Variants in NDUFAF6 observed in about 807,000 individuals in gnomAD.
The protein encoded by NDUFAF6 is NADH dehydrogenase (ubiquinone) complex I, assembly factor 6.
A neutral mutation model predicts 40.8 loss-of-function variants in NDUFAF6; 45 were observed. The ratio of observed to expected loss-of-function variants is 1.10; its 90% CI spans 0.87 to 1.42. The LOEUF (loss-of-function observed/expected upper bound fraction) is 1.42, where lower values mean the gene tolerates loss of function less well. NDUFAF6 is among the 40% of genes most tolerant of loss of function. The pLI is 0.00. For missense variants in NDUFAF6, 435 were observed against 418.5 expected, an observed-to-expected ratio of 1.04 and a Z score of -0.34; for synonymous variants, 185 against 155.9, an observed-to-expected ratio of 1.19 and a Z score of -1.39.
Position 95,052,175 on chromosome 8 carries a change from CT to C in NDUFAF6, c.819del (p.Arg274GlyfsTer9). 6.2e-7 allele frequency: 1 copy of C among 1,614,068 alleles called. No homozygotes were observed. The highest frequency in any genetic ancestry group is 1.6e-4 in the Middle Eastern group (1 of 6,062). ...GCTTCCTCTCCTCTTCCTTTTTAGGCTAGGTCCTTTCACAAAACTGTTCCTG... is the reference window on the plus strand; with the variant it reads ...GCTTCCTCTCCTCTTCCTTTTTAGGCAGGTCCTTTCACAAAACTGTTCCTG... ...ASQAHLHLKH[A>X]RSFHKTVPVK... On this transcript the variant is annotated frameshift_variant and splice_region_variant, in exon 8 of 9. Coordinates refer to ENST00000396124, the MANE Select transcript of NDUFAF6 (RefSeq NM_152416.4). LOFTEE classifies it high-confidence loss of function.
At chr8:95,096,312 C>T (rs1315069656), upstream of NDUFAF6, among the ~76,000 whole-genome samples, 1 of 152,132 alleles carries the variant, frequency 6.6e-6, no homozygotes, top group Non-Finnish European at 1.5e-5. Flanking sequence ...AAAGTATTGG[C>T]CTTTTGGGGA....
intron 8 of NDUFAF6, among the ~76,000 whole-genome samples, chr8:95,057,218 A>G (rs1365826589): frequency 6.6e-6 from 1 of 152,226 alleles, no homozygotes; most frequent in Non-Finnish European, 1.5e-5. Flanking sequence ...AAGACAATTG[A>G]AAGCCAAAAA....
chr8:94,985,497 A>T (rs1174189096), intron 2 of NDUFAF6, among the ~76,000 whole-genome samples: 2 of 6,812 alleles, frequency 2.9e-4, no homozygotes, highest in East Asian at 2.4e-3. Context: ...ATATATATAT[A>T]TATATATATA....
At chr8:94,938,194 T>C (rs1821177800) in intron 1 of NDUFAF6, among the ~76,000 whole-genome samples, 1 of 152,160 alleles carries the variant, frequency 6.6e-6, no homozygotes, top group Non-Finnish European at 1.5e-5. Context: ...ACCAACAAGA[T>C]CAATTAACCT....
intron 1 of NDUFAF6, chr8:94,930,759 A>G: frequency 6.2e-7 from 1 of 1,608,028 alleles, no homozygotes. Context: ...GATGTATTAA[A>G]TAACAGAGTA....
intron 1 of NDUFAF6, chr8:94,926,801 C>T (rs1242468970): frequency 6.6e-6 from 1 of 152,160 alleles, no homozygotes; most frequent in East Asian, 1.9e-4. Flanking sequence ...TAATTGGTCT[C>T]AAATTTCAAG....
At chr8:94,978,044 T>C (rs1398493676) in intron 1 of NDUFAF6, among the ~76,000 whole-genome samples, 1 of 152,162 alleles carries the variant, frequency 6.6e-6, no homozygotes, top group Non-Finnish European at 1.5e-5. Context: ...CTAAATCCTT[T>C]GGAATTTCCC....
intron 1 of NDUFAF6, among the ~76,000 whole-genome samples, chr8:94,931,741 G>A (rs1820421260): frequency 6.6e-6 from 1 of 152,184 alleles, no homozygotes; most frequent in South Asian, 2.1e-4. Flanking sequence ...TTGGGAGGCT[G>A]AGGCAGGTGG....
intron 3 of NDUFAF6, chr8:95,036,331 G>T: frequency 7.8e-7 from 1 of 1,287,548 alleles, no homozygotes; most frequent in South Asian, 1.2e-5. Context: ...TCTGTAACAG[G>T]AGCCACCCAC....
chr8:95,038,311 G>T (rs10111383), intron 3 of NDUFAF6, among the ~76,000 whole-genome samples: 4,252 of 151,876 alleles, frequency 0.028, 201 homozygotes, highest in African/African-American at 0.095. Context: ...GTGACAAATT[G>T]CATTTGATTG....
At chr8:94,968,538 G>A (rs1053826077) in intron 1 of NDUFAF6, among the ~76,000 whole-genome samples, 5 of 152,206 alleles carry the variant, frequency 3.3e-5, no homozygotes, top group Admixed American at 1.3e-4. Context: ...GCAGGAGCAT[G>A]CTTGGTGTCT....
intron 2 of NDUFAF6, among the ~76,000 whole-genome samples, chr8:94,947,366 A>C (rs1397188636): frequency 6.6e-6 from 1 of 152,096 alleles, no homozygotes; most frequent in Non-Finnish European, 1.5e-5. Context: ...AGTTTCAGGA[A>C]ATCAGGTGGC....
intron 2 of NDUFAF6, among the ~76,000 whole-genome samples, chr8:95,094,007 G>A (rs1401123840): frequency 6.6e-6 from 1 of 151,974 alleles, no homozygotes; most frequent in African/African-American, 2.4e-5. Context: ...GTCTCACTCT[G>A]TTGCCCAGGC....
intron 2 of NDUFAF6, among the ~76,000 whole-genome samples, chr8:95,015,503 C>A (rs766769534): frequency 6.6e-6 from 1 of 152,122 alleles, no homozygotes; most frequent in African/African-American, 2.4e-5. Context: ...GTCCTAACTG[C>A]GGTACACTTT....
intron 9 of NDUFAF6, chr8:95,068,731 T>C (rs1353362741): frequency 6.6e-6 from 1 of 151,904 alleles, no homozygotes; most frequent in Non-Finnish European, 1.5e-5. Context: ...TGAATGTCCT[T>C]GCGTTCTGCG....
Position 95,102,260 on chromosome 8 carries a change from T to A in NDUFAF6, n.231-716T>A, listed in dbSNP as rs139363513. ...ATCCACATGCCTTGGTCCCCCAAAGTGCTGAAATTACAGGCAGGAGCCACC... is the reference window on the plus strand; with the variant it reads ...ATCCACATGCCTTGGTCCCCCAAAGAGCTGAAATTACAGGCAGGAGCCACC... On this transcript the variant is annotated intron_variant and non_coding_transcript_variant, in intron 2 of 2. Coordinates refer to the NDUFAF6 transcript ENST00000521063. 6.5e-3 allele frequency among the ~76,000 whole-genome samples: 995 copies of A among 152,300 alleles called. 8 individuals are homozygous for A. The highest frequency in any genetic ancestry group is 0.023 in the African/African-American group (948 of 41,562).
At chr8:95,008,918 T>C (rs1256676266) in intron 2 of NDUFAF6, among the ~76,000 whole-genome samples, 1 of 152,190 alleles carries the variant, frequency 6.6e-6, no homozygotes, top group Admixed American at 6.5e-5. Context: ...AGATATGGGC[T>C]GGGCATGGTG....
chr8:94,944,979 C>G (rs946787080), intron 1 of NDUFAF6, among the ~76,000 whole-genome samples: 1 of 152,196 alleles, frequency 6.6e-6, no homozygotes, highest in African/African-American at 2.4e-5. Context: ...GACCCTCCCC[C>G]CATTGCTAAA....
chr8:94,974,534 T>C (rs1274056869), intron 1 of NDUFAF6: 1 of 152,292 alleles, frequency 6.6e-6, no homozygotes, highest in Non-Finnish European at 1.5e-5. Flanking sequence ...TATAGCCGTT[T>C]GTTTCAATGC....
Sources: gnomAD v4.1 joint callset for allele counts (sites outside exome capture counted in the v4.1 genomes callset) on GRCh38, gnomAD v4.1.1 for gene constraint, MANE v1.5 for transcripts, NCBI Gene and HGNC (gene_info 2026-07-23, HGNC 2026-07-21) for gene names.